The following DDX52 variants were observed in gnomAD, a reference collection of about 807,000 sequenced individuals.
The protein encoded by DDX52 is DExD-box helicase 52.
In DDX52, 59 loss-of-function variants were observed where a neutral mutation model predicts 76.1. That is an observed-to-expected ratio of 0.78 (90% confidence interval 0.63 to 0.96). The LOEUF (loss-of-function observed/expected upper bound fraction) is 0.96. Ranked by LOEUF, DDX52 falls within the 40% of genes least tolerant of loss-of-function variation. DDX52 has a pLI of 0.00. For missense variants in DDX52, 707 were observed against 703.9 expected (o/e 1.00, Z -0.05); for synonymous variants, 231 against 244.1 (o/e 0.95, Z 0.50).
intron 5 of DDX52, 29 bp downstream of exon 5, chr17:37,630,001 G>C (rs375793465): frequency 6.3e-7 from 1 of 1,582,280 alleles, no homozygotes; most frequent in Non-Finnish European, 8.5e-7. Context: ...AAAACCAATC[G>C]CATACTCTTC....
In DDX52 at chr17:37,611,835, C is replaced by A. The variant is rs1340528432; in HGVS notation, c.*2461G>T. 3.3e-5 allele frequency: 5 copies of A among 150,524 alleles called. No homozygotes were observed. The highest frequency in any genetic ancestry group is 1.2e-4 in the African/African-American group (5 of 40,988). 9.3% of individuals were successfully genotyped at this position (150,524 alleles called of 1,614,324 possible). A position where few individuals can be genotyped will look rare whatever the true frequency, so the allele number is the denominator to read the frequency against. On this transcript the variant is annotated 3_prime_UTR_variant, in exon 15 of 15. Transcript: ENST00000617633. The stretch of plus-strand genomic sequence containing the variant: ...ATTAGCTGAGTGTTGGTGGCCCGCA[C>A]CTATAGTACCAGCTACTCGGGAGGC...
At chr17:37,615,994 CAG>C (rs1021239634) in intron 14 of DDX52, among the ~76,000 whole-genome samples, 1 of 152,080 alleles carries the variant, frequency 6.6e-6, no homozygotes, top group African/African-American at 2.4e-5. Flanking sequence ...CGCCTAGCAA[CAG>C]AGATTCCATC....
At chr17:37,619,533 T>C (rs73293875) in intron 13 of DDX52, among the ~76,000 whole-genome samples, 30 of 152,046 alleles carry the variant, frequency 2.0e-4, no homozygotes, top group African/African-American at 7.0e-4. Context: ...CAAGACCCCA[T>C]TTCTACTCCC....
At chr17:37,618,246 A>G in intron 14 of DDX52, 46 bp downstream of exon 14, 1 of 1,471,082 alleles carries the variant, frequency 6.8e-7, no homozygotes, top group Non-Finnish European at 9.3e-7. Flanking sequence ...GCCTACTATA[A>G]CTTTATGATG....
chr17:37,632,070 C>G, intron 4 of DDX52, 43 bp downstream of exon 4: 1 of 1,610,936 alleles, frequency 6.2e-7, no homozygotes, highest in Non-Finnish European at 8.5e-7. Context: ...AGCAAACACA[C>G]AGAGGAAGGA....
At chr17:37,639,916 T>C (rs529143496) in intron 2 of DDX52, among the ~76,000 whole-genome samples, 227 of 152,304 alleles carry the variant, frequency 1.5e-3, no homozygotes, top group African/African-American at 5.2e-3. Flanking sequence ...TTTATCAAAC[T>C]TCCTTGCAGC....
intron 1 of DDX52, 109 bp downstream of exon 1, chr17:37,643,225 G>C: frequency 2.5e-6 from 3 of 1,179,542 alleles, no homozygotes; most frequent in South Asian, 1.4e-5. Context: ...AGGGTGGCGA[G>C]AGCCAGGCCA....
At chr17:37,628,104 T>C (rs530692305) in intron 6 of DDX52, among the ~76,000 whole-genome samples, 18 of 152,274 alleles carry the variant, frequency 1.2e-4, no homozygotes, top group African/African-American at 4.3e-4. Context: ...ATGCCATTCC[T>C]GTCTGCCAGA....
At chr17:37,640,173 T>C (rs2031121052) in intron 2 of DDX52, among the ~76,000 whole-genome samples, 1 of 152,226 alleles carries the variant, frequency 6.6e-6, no homozygotes, top group South Asian at 2.1e-4. Context: ...TACTCACATA[T>C]ACATGCAAAG....
intron 1 of DDX52, chr17:37,642,622 C>A: frequency 3.2e-6 from 1 of 309,926 alleles, no homozygotes; most frequent in East Asian, 7.4e-5. Context: ...AAAACCAAGG[C>A]ATTCGGAAAT....
At chr17:37,642,038 C>T in intron 2 of DDX52, 72 bp downstream of exon 2, 1 of 1,582,282 alleles carries the variant, frequency 6.3e-7, no homozygotes, top group Non-Finnish European at 8.6e-7. Context: ...TGACTTGTAG[C>T]CATAAGCCTG....
intron 5 of DDX52, among the ~76,000 whole-genome samples, chr17:37,629,043 C>G (rs2030538657): frequency 6.6e-6 from 1 of 151,752 alleles, no homozygotes; most frequent in African/African-American, 2.4e-5. Flanking sequence ...CGTGGTAAAA[C>G]CCCATCTCTA....
chr17:37,622,617 G>A (rs1325685333), intron 9 of DDX52, among the ~76,000 whole-genome samples: 1 of 151,932 alleles, frequency 6.6e-6, no homozygotes, highest in African/African-American at 2.4e-5. Flanking sequence ...TTTTTATGAT[G>A]GCTTAAACAT....
intron 9 of DDX52, among the ~76,000 whole-genome samples, chr17:37,623,636 C>A (rs889093035): frequency 2.0e-5 from 3 of 152,156 alleles, no homozygotes; most frequent in Admixed American, 6.5e-5. Context: ...TTCCCCTCCA[C>A]GTTTTATCCT....
At chr17:37,637,731 C>T (rs568263503) in intron 2 of DDX52, among the ~76,000 whole-genome samples, 6 of 151,980 alleles carry the variant, frequency 3.9e-5, no homozygotes, top group South Asian at 2.1e-4. Context: ...TGCGCCACCA[C>T]GCCCGGCTAA....
chr17:37,629,125 G>A (rs2030542677), intron 5 of DDX52, among the ~76,000 whole-genome samples: 1 of 151,864 alleles, frequency 6.6e-6, no homozygotes, highest in African/African-American at 2.4e-5. Context: ...GGAGGCTGAG[G>A]CAGGAGAATC....
chr17:37,622,162 A>G (rs1444747924), intron 9 of DDX52, among the ~76,000 whole-genome samples: 1 of 5,680 alleles, frequency 1.8e-4, no homozygotes, highest in Admixed American at 2.8e-3. Context: ...ATCTCTAAGT[A>G]AACATTTTTT....
In DDX52 at chr17:37,633,327, T is replaced by C; in HGVS notation, c.378A>G (p.Lys126=). 1 of 1,611,788 alleles carries C rather than the reference T, an allele frequency of 6.2e-7. No homozygotes were observed. The highest frequency in any genetic ancestry group is 8.5e-7 in the Non-Finnish European group (1 of 1,179,186). The part of the protein sequence containing the change: ...IEDKKVQRES[K]LTSGKLENLR... Reference sequence around the variant, plus strand: ...GATTCTCCAACTTTCCGGAAGTTAGTTTACTTTCTCTCTGAACTTTTTTGT... The same window carrying C: ...GATTCTCCAACTTTCCGGAAGTTAGCTTACTTTCTCTCTGAACTTTTTTGT... Residue 126 remains lysine (K), a synonymous_variant, in exon 3 of 15, where the codon AAA becomes AAG. Transcript: ENST00000617633.
rs967962963 is a variant in DDX52 at position 37,609,773 on chromosome 17, TTTA to T, written c.*4520_*4522del. 5.9e-6 allele frequency: 1 copy of T among 168,176 alleles called. No homozygotes were observed. The highest frequency in any genetic ancestry group is 1.3e-5 in the Non-Finnish European group (1 of 78,728). 10.4% of individuals were successfully genotyped at this position (168,176 alleles called of 1,614,324 possible). A position where few individuals can be genotyped will look rare whatever the true frequency, so the allele number is the denominator to read the frequency against. On this transcript the variant is annotated 3_prime_UTR_variant, in exon 15 of 15. Coordinates refer to ENST00000617633, the MANE Select transcript of DDX52 (RefSeq NM_007010.5). Reference sequence around the variant, plus strand: ...TATACGGTGGGTACACTGGTGTTCTTTTATTGTTACTCTTTACACACAAAGAAC... The same window carrying T: ...TATACGGTGGGTACACTGGTGTTCTTTTGTTACTCTTTACACACAAAGAAC...
Sources: gnomAD v4.1 joint callset for allele counts (sites outside exome capture counted in the v4.1 genomes callset) on GRCh38, gnomAD v4.1.1 for gene constraint, MANE v1.5 for transcripts, NCBI Gene and HGNC (gene_info 2026-07-23, HGNC 2026-07-21) for gene names.